The following DCHS2 variants were observed in gnomAD, a reference collection of about 807,000 sequenced individuals.
The protein encoded by DCHS2 is protocadherin-23.
Under a neutral mutation model 182.4 loss-of-function variants are expected in DCHS2, and 142 were observed. The ratio of observed to expected loss-of-function variants is 0.78; its 90% CI spans 0.68 to 0.89. DCHS2 has a LOEUF of 0.89. Among genes scored for constraint, DCHS2 ranks in the 40% least tolerant of loss-of-function variants. DCHS2 has a pLI of 0.00. For missense variants in DCHS2, 4,319 were observed against 4,198.6 expected, an observed-to-expected ratio of 1.03 and a Z score of -0.79; for synonymous variants, 1,740 against 1,663.3, an observed-to-expected ratio of 1.05 and a Z score of -1.12.
intron 16 of DCHS2, among the ~76,000 whole-genome samples, chr4:154,248,919 A>G (rs538198632): frequency 2.0e-5 from 3 of 152,292 alleles, no homozygotes; most frequent in East Asian, 1.9e-4. Flanking sequence ...ACCTTTTACC[A>G]TATACAAAAA....
rs562542584 is a variant in DCHS2 at position 154,273,729 on chromosome 4, C to T, written c.6464-3716G>A. ...TCATAGTTCCTTTACTGGCCTTAGT[C>T]CTCTGATATTAGGCCTGTAATTTAT... On this transcript the variant is annotated intron_variant, in intron 13 of 19. Transcript: ENST00000357232. 1.6e-4 allele frequency among the ~76,000 whole-genome samples: 24 copies of T among 152,124 alleles called. No homozygotes were observed. In the South Asian group the frequency reaches 5.0e-3, roughly 32 times the overall value.
intron 15 of DCHS2, among the ~76,000 whole-genome samples, chr4:154,258,768 C>T (rs912614291): frequency 2.6e-5 from 4 of 152,040 alleles, no homozygotes; most frequent in African/African-American, 9.7e-5. Flanking sequence ...AACGCCTTAC[C>T]CCACCTAGCC....
intron 16 of DCHS2, among the ~76,000 whole-genome samples, chr4:154,251,938 C>T (rs572065854): frequency 6.6e-6 from 1 of 151,642 alleles, no homozygotes; most frequent in East Asian, 1.9e-4. Context: ...AAATTAATGC[C>T]TATTTTATAA....
chr4:154,354,224 C>A (rs906350713), intron 3 of DCHS2, among the ~76,000 whole-genome samples: 2 of 152,232 alleles, frequency 1.3e-5, no homozygotes, highest in Non-Finnish European at 2.9e-5. Flanking sequence ...CTGCACCCGG[C>A]TTGAAGATAA....
intron 1 of DCHS2, among the ~76,000 whole-genome samples, chr4:154,468,620 C>T (rs1042307005): frequency 2.0e-5 from 3 of 152,058 alleles, no homozygotes; most frequent in African/African-American, 7.2e-5. Flanking sequence ...CAAGATTAGT[C>T]CATTTCATAA....
chr4:154,233,554 CAT>C lies in DCHS2; in HGVS notation c.*980_*981del, dbSNP rs1211014712. 6.6e-6 allele frequency: 1 copy of C among 152,060 alleles called. No homozygotes were observed. Among genetic ancestry groups the C allele is most frequent in the Admixed American group, 6.6e-5 (1 of 15,264 alleles). 9.4% of individuals were successfully genotyped at this position (152,060 alleles called of 1,614,324 possible). A position where few individuals can be genotyped will look rare whatever the true frequency, so the allele number is the denominator to read the frequency against. On this transcript the variant is annotated 3_prime_UTR_variant, in exon 20 of 20. Coordinates refer to ENST00000357232, the MANE Select transcript of DCHS2 (RefSeq NM_001358235.2). Reference sequence around the variant, plus strand: ...TATGAGATTTATCATTAGCTAATGACATGATTTTTATCTACACAAATTTTAAA... The same window carrying C: ...TATGAGATTTATCATTAGCTAATGACGATTTTTATCTACACAAATTTTAAA...
intron 13 of DCHS2, among the ~76,000 whole-genome samples, chr4:154,294,950 G>A (rs189399694): frequency 5.9e-5 from 9 of 152,146 alleles, no homozygotes; most frequent in East Asian, 1.9e-4. Flanking sequence ...TTACAACTTC[G>A]CTTCTTGTGT....
Position 154,236,722 on chromosome 4 carries a change from G to A in DCHS2, c.7930C>T (p.Pro2644Ser), listed in dbSNP as rs1731531097. ...GATATGACAGCTGTGGAACTCAATG[G>A]AGGGCAGCCACTGTCAGATGCCAGA... is the stretch of plus-strand genomic sequence containing the variant. The part of the protein sequence containing the change: ...VILASDSGCP[P>S]LSSTAVISIQ... The change falls in exon 20 of 20, where the codon CCA becomes TCA. Residue 2644 changes from proline (P) to serine (S), a missense_variant. By Grantham distance (74) the Pro-to-Ser change is moderately conservative. Coordinates refer to ENST00000357232, the MANE Select transcript of DCHS2 (RefSeq NM_001358235.2). 1.9e-6 allele frequency: 3 copies of A among 1,613,902 alleles called. No homozygotes were observed. The highest frequency in any genetic ancestry group is 2.5e-6 in the Non-Finnish European group (3 of 1,179,944).
chr4:154,336,565 G>A (rs79614307), intron 3 of DCHS2, among the ~76,000 whole-genome samples: 3,430 of 152,184 alleles, frequency 0.023, 109 homozygotes, highest in African/African-American at 0.075. Context: ...GGCATTAAAA[G>A]GTGACATCCA....
At chr4:154,294,145 G>A (rs1734808746) in intron 13 of DCHS2, among the ~76,000 whole-genome samples, 1 of 152,040 alleles carries the variant, frequency 6.6e-6, no homozygotes, top group Admixed American at 6.5e-5. Context: ...TATAACTACT[G>A]GTAATCATGA....
Position 154,320,919 on chromosome 4 carries a change from C to T in DCHS2, c.4480G>A (p.Val1494Ile). The T allele has an allele frequency of 1.2e-6, 2 of 1,614,072 alleles. No homozygotes were observed. The highest frequency in any genetic ancestry group is 1.3e-5 in the African/African-American group (1 of 75,022). The change falls in exon 9 of 20, where the codon GTC (valine) becomes ATC (isoleucine). Residue 1494 changes from valine (V) to isoleucine (I), a missense_variant. Physicochemically the swap from Val to Ile is conservative, Grantham distance 29. Transcript: ENST00000357232. ...TCTTCCACATCGATACTAAGGAAGA[C>T]TGTGCTACTCAGGGAAAGGTTTTTG... ...HSKNLSLSST[V>I]FLSIDVEDQN...
rs150419812 is a variant in DCHS2 at position 154,331,326 on chromosome 4, T to C, written c.3730+1152A>G. Reference sequence around the variant, plus strand: ...ATTAGGAATGGACACCTCGTTTTCTTGTAGGGGAGGGAAGATCACGGGGGA... The same window carrying C: ...ATTAGGAATGGACACCTCGTTTTCTCGTAGGGGAGGGAAGATCACGGGGGA... On this transcript the variant is annotated intron_variant, in intron 5 of 19. Transcript: ENST00000357232. 1.0e-3 allele frequency among the ~76,000 whole-genome samples: 159 copies of C among 152,272 alleles called. 2 individuals carry two copies. The highest frequency in any genetic ancestry group is 0.01 in the Middle Eastern group (3 of 294).
intron 1 of DCHS2, among the ~76,000 whole-genome samples, chr4:154,389,245 C>A (rs928102879): frequency 2.6e-5 from 4 of 151,826 alleles, no homozygotes; most frequent in African/African-American, 9.7e-5. Context: ...ATGTAAAAAC[C>A]ATTCTTACCT....
At chr4:154,271,322 C>T (rs1369525936) in intron 13 of DCHS2, among the ~76,000 whole-genome samples, 2 of 152,148 alleles carry the variant, frequency 1.3e-5, no homozygotes, top group African/African-American at 2.4e-5. Context: ...TTACAAGTCA[C>T]ACAGTCCTGT....
chr4:154,244,316 A>G (rs1731975505), intron 16 of DCHS2, among the ~76,000 whole-genome samples: 1 of 152,230 alleles, frequency 6.6e-6, no homozygotes, highest in Non-Finnish European at 1.5e-5. Flanking sequence ...GTGTTGGTCA[A>G]CTGGAAACCT....
intron 1 of DCHS2, chr4:154,486,669 T>A: frequency 1.7e-6 from 1 of 580,160 alleles, no homozygotes; most frequent in Non-Finnish European, 2.6e-6. Context: ...CAAAGTGGTA[T>A]AAAGAAAGAT....
chr4:154,466,988 A>T (rs1735267579), intron 1 of DCHS2, among the ~76,000 whole-genome samples: 1 of 152,226 alleles, frequency 6.6e-6, no homozygotes, highest in African/African-American at 2.4e-5. Flanking sequence ...ATTATACACA[A>T]AAACTTTCTC....
rs532216284 is a variant in DCHS2 at position 154,451,830 on chromosome 4, G to C, written c.2052+37474C>G. On this transcript the variant is annotated intron_variant, in intron 1 of 19. Coordinates refer to ENST00000357232, the MANE Select transcript of DCHS2 (RefSeq NM_001358235.2). The stretch of plus-strand genomic sequence containing the variant: ...ACTTGGTCGTATGTTGAGAAACTTG[G>C]AACATGATTGGAAAATTGGTGAAAA... Among the ~76,000 whole-genome samples, 127 of 152,308 alleles carry C rather than the reference G, an allele frequency of 8.3e-4. 1 individual carries two copies. The highest frequency in any genetic ancestry group is 2.9e-3 in the African/African-American group (119 of 41,562).
chr4:154,491,696 G>C lies in DCHS2; in HGVS notation c.-341C>G. ...TCTACTCGGCTGGTTGTTCCCCCCT[G>C]GTAAAGTCAGGTGCATTATTTCTTT... On this transcript the variant is annotated 5_prime_UTR_variant, in exon 1 of 20. Coordinates refer to ENST00000357232, the MANE Select transcript of DCHS2 (RefSeq NM_001358235.2). 1 of 1,121,374 alleles carries C rather than the reference G, an allele frequency of 8.9e-7. No homozygotes were observed. Among genetic ancestry groups the C allele is most frequent in the Non-Finnish European group, 1.1e-6 (1 of 919,026 alleles). 69.5% of individuals were successfully genotyped at this position (1,121,374 alleles called of 1,614,324 possible).
Sources: allele counts gnomAD v4.1 joint callset (sites outside exome capture counted in the v4.1 genomes callset), GRCh38; gene constraint gnomAD v4.1.1; transcripts MANE v1.5; gene names NCBI Gene and HGNC (gene_info 2026-07-23, HGNC 2026-07-21).